The following CDK12 variants were observed in gnomAD, a reference collection of about 807,000 sequenced individuals.
CDK12 encodes the protein cyclin-dependent kinase 12.
In CDK12, 17 loss-of-function variants were observed where a neutral mutation model predicts 133.8. The ratio of observed to expected loss-of-function variants is 0.13; its 90% CI spans 0.09 to 0.19. The LOEUF is 0.19. Ranked by LOEUF, CDK12 falls within the 10% of genes least tolerant of loss-of-function variation. The pLI, the probability that CDK12 is intolerant of heterozygous loss-of-function variation, is 1.00. For synonymous variants in CDK12, 694 were observed against 683.6 expected, an observed-to-expected ratio of 1.02 and a Z score of -0.24; for missense variants, 1,508 against 1,818.7, an observed-to-expected ratio of 0.83 and a Z score of 3.11.
At chr17:39,525,704 G>A (rs1166752931) in intron 12 of CDK12, among the ~76,000 whole-genome samples, 160 bp from the exon 13 acceptor site, 1 of 152,184 alleles carries the variant, frequency 6.6e-6, no homozygotes, top group Non-Finnish European at 1.5e-5. Flanking sequence ...AGCATAAAGA[G>A]TAACAAAATG....
intron 11 of CDK12, among the ~76,000 whole-genome samples, chr17:39,520,892 G>T (rs2054122631): frequency 6.6e-6 from 1 of 152,038 alleles, no homozygotes; most frequent in African/African-American, 2.4e-5. Flanking sequence ...TTGTTCCCCA[G>T]GCTGGAGTAC....
downstream of CDK12, among the ~76,000 whole-genome samples, chr17:39,539,351 T>C (rs191447484): frequency 7.2e-4 from 109 of 152,354 alleles, no homozygotes; most frequent in Admixed American, 1.2e-3. Flanking sequence ...ATTCCTTTGG[T>C]GACTGTACTT....
intron 2 of CDK12, among the ~76,000 whole-genome samples, chr17:39,487,670 G>A (rs996903736): frequency 8.5e-5 from 12 of 141,518 alleles, no homozygotes; most frequent in African/African-American, 3.2e-4. Context: ...AGGCTGGAGT[G>A]CAGTGGCACG....
chr17:39,552,840 T>G (rs2056008364), intron 2 of CDK12, among the ~76,000 whole-genome samples: 1 of 152,168 alleles, frequency 6.6e-6, no homozygotes, highest in Non-Finnish European at 1.5e-5. Context: ...GTGATTCTCC[T>G]GCTTCAGCCT....
chr17:39,495,605 C>CA (rs1165449715), intron 5 of CDK12, among the ~76,000 whole-genome samples: 2 of 151,456 alleles, frequency 1.3e-5, no homozygotes, highest in Admixed American at 1.3e-4. Context: ...TCCTGGCTAA[C>CA]ACGGCAAAAC....
chr17:39,553,531 C>T (rs954662195), intron 2 of CDK12, among the ~76,000 whole-genome samples: 1 of 152,226 alleles, frequency 6.6e-6, no homozygotes. Flanking sequence ...GCCAGCTCGC[C>T]TGGCTAGTGA....
rs2146508883 is a variant in CDK12, at chr17:39,517,466, C to A, written c.2873C>A (p.Ala958Asp). 6.2e-7 allele frequency: 1 copy of A among 1,613,122 alleles called. No homozygotes were observed. The highest frequency in any genetic ancestry group is 8.5e-7 in the Non-Finnish European group (1 of 1,179,158). ...ISRLCGSPCPAVWPDVIKLPY... is the reference protein window; with the variant it reads ...ISRLCGSPCPDVWPDVIKLPY... ...CGACTTTGTGGTAGCCCTTGTCCAGCTGTGTGGCCTGATGTTATCAAACTG... is the reference window on the plus strand; with the variant it reads ...CGACTTTGTGGTAGCCCTTGTCCAGATGTGTGGCCTGATGTTATCAAACTG... Residue 958 changes from alanine to aspartate, a missense_variant, in exon 10 of 14, where the codon GCT (alanine) becomes GAT (aspartate). Transcript: ENST00000447079.
At chr17:39,506,013 G>T (rs1212314966) in intron 6 of CDK12, among the ~76,000 whole-genome samples, 1 of 152,078 alleles carries the variant, frequency 6.6e-6, no homozygotes, top group Non-Finnish European at 1.5e-5. Context: ...CACTGAAAAA[G>T]GTCATTTACT....
At chr17:39,475,547 ATTT>A (rs1039865528) in intron 2 of CDK12, among the ~76,000 whole-genome samples, 2 of 139,800 alleles carry the variant, frequency 1.4e-5, no homozygotes, top group African/African-American at 2.6e-5. Flanking sequence ...AGAACCTGAA[ATTT>A]TTTTTTTTTT....
intron 5 of CDK12, among the ~76,000 whole-genome samples, chr17:39,499,212 T>TC (rs1365654268): frequency 2.2e-5 from 2 of 92,030 alleles, no homozygotes; most frequent in African/African-American, 4.9e-5. Context: ...TCTTTCCTTT[T>TC]TTTTTTTTTT....
At chr17:39,481,656 C>CTTTTCTGTTT (rs1567706237) in intron 2 of CDK12, among the ~76,000 whole-genome samples, 1 of 21,296 alleles carries the variant, frequency 4.7e-5, no homozygotes, top group East Asian at 1.4e-3. Context: ...CTCTCTCTCT[C>CTTTTCTGTTT]TCTCTCTCTC....
intron 2 of CDK12, among the ~76,000 whole-genome samples, chr17:39,477,501 G>T (rs2050303556): frequency 6.6e-6 from 1 of 151,876 alleles, no homozygotes; most frequent in Non-Finnish European, 1.5e-5. Context: ...GCCTCCCAAA[G>T]TGCTGGGATT....
intron 2 of CDK12, among the ~76,000 whole-genome samples, chr17:39,479,308 GAAAA>G (rs34077108): frequency 1.4e-4 from 14 of 100,446 alleles, no homozygotes; most frequent in African/African-American, 4.8e-4. Context: ...GACTCCGTCT[GAAAA>G]AAAAAAAAAA....
intron 9 of CDK12, among the ~76,000 whole-genome samples, chr17:39,516,840 T>C (rs967082243): frequency 6.6e-6 from 1 of 151,322 alleles, no homozygotes; most frequent in Non-Finnish European, 1.5e-5. Context: ...TTTTTTTGTA[T>C]TTTTAGTAGA....
intron 2 of CDK12, among the ~76,000 whole-genome samples, chr17:39,551,366 T>A (rs2055948181): frequency 6.6e-6 from 1 of 152,080 alleles, no homozygotes; most frequent in African/African-American, 2.4e-5. Flanking sequence ...ACAAATCCCC[T>A]ACAGCCCCTG....
At position 39,471,475 on chromosome 17, in the gene CDK12, C is replaced by T. The variant is rs750221098; in HGVS notation, c.1643C>T (p.Thr548Ile). 24 of 1,612,726 alleles carry T rather than the reference C, an allele frequency of 1.5e-5. No homozygotes were observed. Among genetic ancestry groups the T allele is most frequent in the Non-Finnish European group, 1.9e-5 (23 of 1,179,588 alleles). ...CCAACTACTACCCCTCCACCTCAGA[C>T]ACCCCCTTTGCCACCTTTGCCTCCA... ...PLPTTTPPPQ[T>I]PPLPPLPPIP... The change falls in exon 2 of 14, where the codon ACA becomes ATA. Residue 548 changes from threonine to isoleucine, a missense_variant. Thr to Ile is a moderately conservative substitution (Grantham distance 89). This residue lies in a region of CDK12 where 347 missense variants were observed against 330.8 expected (regional missense o/e 1.05). Coordinates refer to ENST00000447079, the MANE Select transcript of CDK12 (RefSeq NM_016507.4).
intron 13 of CDK12, chr17:39,529,795 C>G (rs1436525810): frequency 6.6e-6 from 1 of 152,118 alleles, no homozygotes; most frequent in Non-Finnish European, 1.5e-5. Flanking sequence ...ATATTTAGTT[C>G]TTGTCACCGT....
chr17:39,483,276 T>A (rs1170357303), intron 2 of CDK12, among the ~76,000 whole-genome samples: 1 of 152,044 alleles, frequency 6.6e-6, no homozygotes, highest in Non-Finnish European at 1.5e-5. Context: ...TTCTTTTTTT[T>A]TTTTAAGAGA....
chr17:39,507,515 T>C (rs915891499), intron 6 of CDK12, among the ~76,000 whole-genome samples: 2 of 151,652 alleles, frequency 1.3e-5, no homozygotes, highest in East Asian at 3.9e-4. Context: ...GATAGCGCCA[T>C]CGCACTCCAG....
Sources: allele counts gnomAD v4.1 joint callset (sites outside exome capture counted in the v4.1 genomes callset), GRCh38; gene constraint gnomAD v4.1.1; regional missense constraint gnomAD v4.1.1; transcripts MANE v1.5; gene names NCBI Gene and HGNC (gene_info 2026-07-23, HGNC 2026-07-21).